The following TTLL10 variants were observed in gnomAD, a reference collection of about 807,000 sequenced individuals.
The protein encoded by TTLL10 is tubulin tyrosine ligase like 10.
A neutral mutation model predicts 69.0 loss-of-function variants in TTLL10; 61 were observed. That is an observed-to-expected ratio of 0.88 (90% CI 0.72 to 1.09). TTLL10 has a LOEUF of 1.09. TTLL10 is among the 50% of genes least tolerant of loss of function. The pLI is 0.00. For missense variants in TTLL10, 962 were observed against 945.9 expected (o/e 1.02, Z -0.22); for synonymous variants, 408 against 393.3 (o/e 1.04, Z -0.44).
At chr1:1,174,868 A>C (rs1646828489) in intron 3 of TTLL10, 1 of 152,268 alleles carries the variant, frequency 6.6e-6, no homozygotes, top group African/African-American at 2.4e-5. Context: ...CTGTAATCCC[A>C]GCACTTTGGG....
chr1:1,193,819 T>C (rs1471420719), intron 13 of TTLL10, among the ~76,000 whole-genome samples: 1 of 152,202 alleles, frequency 6.6e-6, no homozygotes, highest in Non-Finnish European at 1.5e-5. Flanking sequence ...TTTTGAGTTA[T>C]TTTAGTGGTT....
At chr1:1,174,705 G>C (rs946070234) in intron 3 of TTLL10, 5 of 152,220 alleles carry the variant, frequency 3.3e-5, no homozygotes, top group African/African-American at 1.2e-4. Flanking sequence ...AGACTCCAAA[G>C]CACATTTGCT....
chr1:1,179,205 C>A lies in TTLL10; in HGVS notation c.-11C>A, dbSNP rs765475689. The A allele has an allele frequency of 2.3e-5, 35 of 1,528,360 alleles. No individual in the cohort carries two copies. The African/African-American group carries it at 3.6e-4, about 16-fold the overall frequency. 94.7% of individuals were successfully genotyped at this position (1,528,360 alleles called of 1,614,324 possible). Reference sequence around the variant, plus strand: ...TCCCTTCAGGGCCCTCGCCCGGGCACCCCCCGGCCAATGGACCACAGCTGC... The same window carrying A: ...TCCCTTCAGGGCCCTCGCCCGGGCAACCCCCGGCCAATGGACCACAGCTGC... On this transcript the variant is annotated 5_prime_UTR_variant, in exon 4 of 16. Transcript: ENST00000379289.
Position 1,181,907 on chromosome 1 carries a change from C to A in TTLL10, c.830+92C>A. On this transcript the variant is annotated intron_variant, in intron 9 of 15. Coordinates refer to ENST00000379289, the MANE Select transcript of TTLL10 (RefSeq NM_001130045.2). The surrounding 1 kb of genome is among the most constrained non-coding windows in gnomAD (Gnocchi z 4.6). ...AAAAGGAGAAAGCGGGGCGGGGGTCCCACACAAAGGAAAACCACGAGCTAG... is the reference window on the plus strand; with the variant it reads ...AAAAGGAGAAAGCGGGGCGGGGGTCACACACAAAGGAAAACCACGAGCTAG... 1 of 1,264,272 alleles carries A rather than the reference C, an allele frequency of 7.9e-7. No homozygotes were observed. Among genetic ancestry groups the A allele is most frequent in the Non-Finnish European group, 1.1e-6 (1 of 898,500 alleles). The allele number at this position is 1,264,272 out of a possible 1,614,324, so 78.3% of individuals were successfully genotyped here.
chr1:1,183,489 C>G (rs931711382), intron 11 of TTLL10, among the ~76,000 whole-genome samples: 1 of 152,178 alleles, frequency 6.6e-6, no homozygotes, highest in African/African-American at 2.4e-5. Flanking sequence ...CCCCGGCCCT[C>G]GTAGAGCCTC....
chr1:1,191,194 C>T (rs1647750439), intron 13 of TTLL10, among the ~76,000 whole-genome samples: 1 of 152,160 alleles, frequency 6.6e-6, no homozygotes, highest in African/African-American at 2.4e-5. Flanking sequence ...ATTTAATTTC[C>T]ACATATTTGT....
In TTLL10 at chr1:1,189,909, G is replaced by A. The variant is rs370872072; in HGVS notation, c.1401+4800G>A. Among the ~76,000 whole-genome samples, 102 of 152,116 alleles carry A rather than the reference G, an allele frequency of 6.7e-4. 1 individual carries two copies. Among genetic ancestry groups the A allele is most frequent in the African/African-American group, 2.4e-3 (99 of 41,514 alleles). On this transcript the variant is annotated intron_variant, in intron 13 of 15. Coordinates refer to ENST00000379289, the MANE Select transcript of TTLL10 (RefSeq NM_001130045.2). ...AGGTGGATCATGAGGTCAGGAGATC[G>A]AGACCATCCCGGGTAACACGGTGAA...
intron 9 of TTLL10, 42 bp from the exon 10 acceptor site, chr1:1,182,319 C>T (rs551244433): frequency 1.1e-5 from 18 of 1,574,308 alleles, no homozygotes; most frequent in East Asian, 6.7e-5. Context: ...CAGCCAGGGG[C>T]GAAGGGACAG....
At position 1,182,319 on chromosome 1, in the gene TTLL10, C is replaced by G. The variant is rs551244433; in HGVS notation, c.831-42C>G. 5.1e-6 allele frequency: 8 copies of G among 1,574,204 alleles called. No homozygotes were observed. In the South Asian group the frequency reaches 8.9e-5, roughly 17 times the overall value. On this transcript the variant is annotated intron_variant, in intron 9 of 15. Transcript: ENST00000379289. ...CTCAAACCGCCCACCCAGCCAGGGG[C>G]GAAGGGACAGCAGCTCATCCTCCTG...
chr1:1,192,438 AGTGT>A (rs1647870595), intron 13 of TTLL10, among the ~76,000 whole-genome samples: 2 of 150,954 alleles, frequency 1.3e-5, no homozygotes, highest in Admixed American at 1.3e-4. Flanking sequence ...AGTTGGTATG[AGTGT>A]AGACACTCCA....
At chr1:1,176,737 G>A (rs1168812168) in intron 3 of TTLL10, among the ~76,000 whole-genome samples, 1 of 152,200 alleles carries the variant, frequency 6.6e-6, no homozygotes, top group Non-Finnish European at 1.5e-5. Flanking sequence ...TCTCGCCTGG[G>A]GCTCCACGGT....
rs1647214825 is a variant in TTLL10 at position 1,184,999 on chromosome 1, C to T, written c.1291C>T (p.Leu431=). Residue 431 remains leucine, a synonymous_variant, in exon 13 of 16, where the codon CTG becomes TTG. Coordinates refer to ENST00000379289, the MANE Select transcript of TTLL10 (RefSeq NM_001130045.2). The stretch of plus-strand genomic sequence containing the variant: ...GCAGAAGAAGAGCCCTCTGTACATG[C>T]TGCTGAAGGAGCACACGGTGTGGAG... ...FMQKKSPLYM[L]LKEHTVWSME... 1 of 1,613,566 alleles carries T rather than the reference C, an allele frequency of 6.2e-7. No homozygotes were observed. The highest frequency in any genetic ancestry group is 1.3e-5 in the African/African-American group (1 of 74,938).
intron 13 of TTLL10, among the ~76,000 whole-genome samples, chr1:1,187,904 CAAA>C (rs35247267): frequency 7.4e-6 from 1 of 135,204 alleles, no homozygotes. Context: ...GACTCCATCT[CAAA>C]AAAAAAAAAA....
chr1:1,182,227 AAGG>A (rs1193198047), intron 9 of TTLL10, 131 bp from the exon 10 acceptor site: 2 of 772,506 alleles, frequency 2.6e-6, no homozygotes, highest in African/African-American at 3.4e-5. Context: ...AAGTCCCCAC[AAGG>A]AGAACGGCCG....
intron 8 of TTLL10, 23 bp downstream of exon 8, chr1:1,180,883 C>T (rs374153375): frequency 6.5e-7 from 1 of 1,540,694 alleles, no homozygotes; most frequent in South Asian, 1.2e-5. Flanking sequence ...CTGCCCCTGC[C>T]CCCGTCCCTG....
At chr1:1,186,966 C>T (rs1470909613) in intron 13 of TTLL10, among the ~76,000 whole-genome samples, 4 of 151,680 alleles carry the variant, frequency 2.6e-5, no homozygotes. Context: ...CCTGCCTCAG[C>T]CTCCCGAGTA....
At chr1:1,176,559 G>A (rs1159597549) in intron 3 of TTLL10, among the ~76,000 whole-genome samples, 1 of 152,098 alleles carries the variant, frequency 6.6e-6, no homozygotes, top group Non-Finnish European at 1.5e-5. Flanking sequence ...TGGTAGGCCA[G>A]GTATGGAATT....
At chr1:1,183,198 G>A (rs111290899) in intron 11 of TTLL10, 151 bp downstream of exon 11, 76,934 of 971,632 alleles carry the variant, frequency 0.079, 6,738 homozygotes, top group African/African-American at 0.36. Flanking sequence ...CCCCCGTGTA[G>A]CCAGCAGAGG....
chr1:1,197,668 C>T lies in TTLL10; in HGVS notation c.1843C>T (p.Pro615Ser). The change falls in exon 16 of 16, where the codon CCT becomes TCT. Residue 615 changes from proline (P) to serine (S), a missense_variant. Pro to Ser is a moderately conservative substitution (Grantham distance 74). Transcript: ENST00000379289. ...DQPGARRPAP[P>S]PLVPQRPRPP... ...GCCGGGCGCCCGCAGGCCTGCGCCA[C>T]CTCCCTTGGTGCCGCAGCGTCCCCG... The T allele has an allele frequency of 6.7e-7, 1 of 1,502,608 alleles. No individual in the cohort carries two copies. The highest frequency in any genetic ancestry group is 8.8e-7 in the Non-Finnish European group (1 of 1,133,070). 93.1% of individuals were successfully genotyped at this position (1,502,608 alleles called of 1,614,324 possible). A position where few individuals can be genotyped will look rare whatever the true frequency, so the allele number is the denominator to read the frequency against.
Sources: allele counts gnomAD v4.1 joint callset (sites outside exome capture counted in the v4.1 genomes callset), GRCh38; gene constraint gnomAD v4.1.1; non-coding constraint Gnocchi (gnomAD v3.1); transcripts MANE v1.5; gene names NCBI Gene and HGNC (gene_info 2026-07-23, HGNC 2026-07-21).